Variants in MARCHF11 observed in about 807,000 individuals in gnomAD.
The protein encoded by MARCHF11 is membrane associated ring-CH-type finger 11, also known as E3 ubiquitin-protein ligase MARCHF11.
Under a neutral mutation model 37.3 loss-of-function variants are expected in MARCHF11, and 29 were observed. The observed-to-expected ratio is 0.78, with a 90% CI of 0.58 to 1.06. The LOEUF (loss-of-function observed/expected upper bound fraction) is 1.06. Ranked by LOEUF, MARCHF11 falls within the 50% of genes least tolerant of loss-of-function variation. The probability of loss-of-function intolerance (pLI) is 0.00; values close to 1 mark genes in which losing one functional copy is unlikely to be tolerated. For missense variants in MARCHF11, 482 were observed against 533.4 expected, an observed-to-expected ratio of 0.90 and a Z score of 0.95; for synonymous variants, 233 against 228.0, an observed-to-expected ratio of 1.02 and a Z score of -0.20.
chr5:16,092,986 TG>T (rs1247129411), intron 2 of MARCHF11, among the ~76,000 whole-genome samples: 6 of 152,214 alleles, frequency 3.9e-5, no homozygotes, highest in Non-Finnish European at 2.9e-5. Context: ...CACTAAAATT[TG>T]TTTTGAATGC....
intron 2 of MARCHF11, among the ~76,000 whole-genome samples, chr5:16,156,187 C>T (rs969048521): frequency 5.3e-5 from 8 of 151,866 alleles, no homozygotes; most frequent in Non-Finnish European, 7.4e-5. Flanking sequence ...TTAATCTCTG[C>T]GAGATCACTT....
intron 2 of MARCHF11, among the ~76,000 whole-genome samples, chr5:16,124,122 T>C (rs968903490): frequency 6.6e-6 from 1 of 152,138 alleles, no homozygotes; most frequent in African/African-American, 2.4e-5. Context: ...AAGTTCATTT[T>C]AAGAGCTTCT....
At chr5:16,089,758 CTT>C in intron 3 of MARCHF11, among the ~76,000 whole-genome samples, 1 of 152,312 alleles carries the variant, frequency 6.6e-6, no homozygotes, top group East Asian at 1.9e-4. Flanking sequence ...ATGTTTCCAA[CTT>C]AATCAAATAT....
At chr5:16,121,002 A>T (rs1227860224) in intron 2 of MARCHF11, among the ~76,000 whole-genome samples, 2 of 152,234 alleles carry the variant, frequency 1.3e-5, no homozygotes, top group Non-Finnish European at 2.9e-5. Flanking sequence ...ATGCTTTGTT[A>T]TGTGGAAAAG....
At chr5:16,178,261 G>T (rs896771034) in intron 1 of MARCHF11, among the ~76,000 whole-genome samples, 1 of 152,176 alleles carries the variant, frequency 6.6e-6, no homozygotes, top group African/African-American at 2.4e-5. Flanking sequence ...CCAGAAAGCG[G>T]CATTATGCTT....
intron 2 of MARCHF11, among the ~76,000 whole-genome samples, chr5:16,122,660 GT>G (rs1737330549): frequency 6.6e-6 from 1 of 152,082 alleles, no homozygotes; most frequent in Non-Finnish European, 1.5e-5. Context: ...CTAGCCTCCT[GT>G]CCCAACACCA....
intron 2 of MARCHF11, among the ~76,000 whole-genome samples, chr5:16,149,147 C>G (rs1737850632): frequency 6.6e-6 from 1 of 152,096 alleles, no homozygotes; most frequent in Non-Finnish European, 1.5e-5. Context: ...TTTCCTTGCC[C>G]AGTGTCCTCC....
intron 3 of MARCHF11, among the ~76,000 whole-genome samples, chr5:16,087,470 A>G (rs1437928813): frequency 6.6e-6 from 1 of 152,238 alleles, no homozygotes; most frequent in East Asian, 1.9e-4. Context: ...TCCACTATGT[A>G]GAATCTGTGT....
chr5:16,145,314 C>T (rs1293535947), intron 2 of MARCHF11, among the ~76,000 whole-genome samples: 1 of 152,110 alleles, frequency 6.6e-6, no homozygotes, highest in African/African-American at 2.4e-5. Flanking sequence ...TGCTCATGAA[C>T]TGGTTAATAC....
Position 16,179,410 on chromosome 5 carries a change from G to C in MARCHF11, c.166C>G (p.Pro56Ala). Residue 56 changes from proline to alanine, a missense_variant, in exon 1 of 4, where the codon CCC becomes GCC. Physicochemically the swap from Pro to Ala is conservative, Grantham distance 27. Coordinates refer to ENST00000332432, the MANE Select transcript of MARCHF11 (RefSeq NM_001102562.3). The part of the protein sequence containing the change: ...PRYLPPLPAS[P>A]ETPERAAGPS... ...CCCGCGGCGCGCTCGGGGGTCTCGG[G>C]GGACGCGGGCAGCGGCGGCAGGTAG... is the stretch of plus-strand genomic sequence containing the variant. 1 of 1,134,282 alleles carries C rather than the reference G, an allele frequency of 8.8e-7. No homozygotes were observed. The highest frequency in any genetic ancestry group is 1.1e-6 in the Non-Finnish European group (1 of 926,334). 70.3% of individuals were successfully genotyped at this position (1,134,282 alleles called of 1,614,324 possible).
chr5:16,154,881 G>A (rs1463217997), intron 2 of MARCHF11, among the ~76,000 whole-genome samples: 1 of 151,836 alleles, frequency 6.6e-6, no homozygotes, highest in Non-Finnish European at 1.5e-5. Flanking sequence ...ACCCTGCAAT[G>A]CTGATGGAGG....
Position 16,179,519 on chromosome 5 carries a change from G to A in MARCHF11, c.57C>T (p.Asp19=). ...GSRCRGAESG[D]AEPPPQPPPP... ...GGGGAGGTTGCGGGGGAGGCTCGGC[G>A]TCCCCGCTCTCCGCCCCGCGACACC... is the stretch of plus-strand genomic sequence containing the variant. The change falls in exon 1 of 4, where the codon GAC becomes GAT. Residue 19 remains aspartate, a synonymous_variant. Coordinates refer to ENST00000332432, the MANE Select transcript of MARCHF11 (RefSeq NM_001102562.3). 8.5e-7 allele frequency: 1 copy of A among 1,178,230 alleles called. No homozygotes were observed. The allele number at this position is 1,178,230 out of a possible 1,614,324, so 73.0% of individuals were successfully genotyped here. A position where few individuals can be genotyped will look rare whatever the true frequency, so the allele number is the denominator to read the frequency against.
intron 2 of MARCHF11, among the ~76,000 whole-genome samples, chr5:16,139,372 G>A (rs1322738627): frequency 6.6e-6 from 1 of 152,172 alleles, no homozygotes; most frequent in African/African-American, 2.4e-5. Context: ...AGCCATGATT[G>A]TGAGGCCTCC....
intron 2 of MARCHF11, among the ~76,000 whole-genome samples, chr5:16,117,375 T>C (rs1417277884): frequency 6.6e-6 from 1 of 152,250 alleles, no homozygotes; most frequent in Non-Finnish European, 1.5e-5. Flanking sequence ...AGCCATCTGA[T>C]AAAATGGTGC....
intron 3 of MARCHF11, among the ~76,000 whole-genome samples, chr5:16,089,641 T>C (rs1736759802): frequency 6.6e-6 from 1 of 151,696 alleles, no homozygotes; most frequent in African/African-American, 2.4e-5. Context: ...ATTTTAAACA[T>C]TTATAGAATT....
chr5:16,146,813 A>G (rs1472535630), intron 2 of MARCHF11, among the ~76,000 whole-genome samples: 1 of 152,164 alleles, frequency 6.6e-6, no homozygotes, highest in Admixed American at 6.5e-5. Flanking sequence ...AGAAGCAGAT[A>G]TACAGGATGT....
intron 2 of MARCHF11, 134 bp downstream of exon 2, chr5:16,177,591 TA>T: frequency 1.5e-6 from 1 of 650,962 alleles, no homozygotes; most frequent in Non-Finnish European, 2.3e-6. Context: ...TTACAAATTC[TA>T]AATCTTGGTT....
intron 2 of MARCHF11, among the ~76,000 whole-genome samples, chr5:16,105,367 A>T (rs1737020102): frequency 6.6e-6 from 1 of 151,730 alleles, no homozygotes; most frequent in African/African-American, 2.4e-5. Context: ...TTAACATAAC[A>T]AACAAACAAA....
chr5:16,067,474 C>T lies in MARCHF11; in HGVS notation c.1206G>A (p.Val402=). 1 of 1,612,344 alleles carries T rather than the reference C, an allele frequency of 6.2e-7. No homozygotes were observed. Among genetic ancestry groups the T allele is most frequent in the Non-Finnish European group, 8.5e-7 (1 of 1,178,524 alleles). Residue 402 remains valine, a synonymous_variant, in exon 4 of 4, where the codon GTG becomes GTA. Coordinates refer to ENST00000332432, the MANE Select transcript of MARCHF11 (RefSeq NM_001102562.3). Reference sequence around the variant, plus strand: ...ACTGCATCATCTTATGCTTTTGTCACACTGAAGTCACTCTCATCACAACCT... The same window carrying T: ...ACTGCATCATCTTATGCTTTTGTCATACTGAAGTCACTCTCATCACAACCT... ...SGEVVMRVTS[V]
Sources: gnomAD v4.1 joint callset for allele counts (sites outside exome capture counted in the v4.1 genomes callset) on GRCh38, gnomAD v4.1.1 for gene constraint, MANE v1.5 for transcripts, NCBI Gene and HGNC (gene_info 2026-07-23, HGNC 2026-07-21) for gene names.